NCOA2: variants seen among roughly 807,000 people sequenced by gnomAD.
NCOA2 encodes the protein class E basic helix-loop-helix protein 75.
A neutral mutation model predicts 145.1 loss-of-function variants in NCOA2; 21 were observed. That is an observed-to-expected ratio of 0.14 (90% confidence interval 0.10 to 0.21). The LOEUF (loss-of-function observed/expected upper bound fraction) is 0.21, where lower values mean the gene tolerates loss of function less well. Among genes scored for constraint, NCOA2 ranks in the 10% least tolerant of loss-of-function variants. The probability of loss-of-function intolerance (pLI) is 1.00; values close to 1 mark genes in which losing one functional copy is unlikely to be tolerated. For synonymous variants in NCOA2, 619 were observed against 637.5 expected (o/e 0.97, Z 0.44); for missense variants, 1,472 against 1,837.6 (o/e 0.80, Z 3.64).
chr8:70,231,436 TG>T (rs1242679325), intron 2 of NCOA2, among the ~76,000 whole-genome samples: 10 of 152,232 alleles, frequency 6.6e-5, no homozygotes, highest in African/African-American at 2.4e-4. Flanking sequence ...AAGCAAAATG[TG>T]GGTTCCACTG....
chr8:70,322,119 A>AG (rs1223871400), intron 1 of NCOA2, among the ~76,000 whole-genome samples: 4 of 151,824 alleles, frequency 2.6e-5, no homozygotes, highest in South Asian at 4.2e-4. Context: ...CTGTCTCCAG[A>AG]GGGGGAAAAA....
intron 1 of NCOA2, among the ~76,000 whole-genome samples, chr8:70,350,663 T>C (rs368520304): frequency 2.0e-5 from 3 of 152,326 alleles, no homozygotes; most frequent in South Asian, 4.1e-4. Flanking sequence ...ATAAATTATT[T>C]TCACTGTTTC....
chr8:70,412,460 A>G, the NCOA2 span, among the ~76,000 whole-genome samples: 3 of 148,990 alleles, frequency 2.0e-5, no homozygotes, highest in Non-Finnish European at 3.0e-5. Flanking sequence ...CATTTTGTCT[A>G]AAGATCTCCT....
intron 15 of NCOA2, 90 bp from the exon 16 acceptor site, chr8:70,132,092 G>A: frequency 7.5e-7 from 1 of 1,339,582 alleles, no homozygotes. Flanking sequence ...AGTATCAATT[G>A]ACTTCCAGGG....
rs781169891 is a variant in NCOA2 at position 70,217,473 on chromosome 8, C to T, written c.-19-709G>A. ...GGTCACTTCCTCTCTCACATCCTGC[C>T]GCCTCCAAACTTTCCTTCCCTCAGC... On this transcript the variant is annotated intron_variant, in intron 2 of 22. Coordinates refer to ENST00000452400, the MANE Select transcript of NCOA2 (RefSeq NM_006540.4). 5.3e-5 allele frequency among the ~76,000 whole-genome samples: 8 copies of T among 152,236 alleles called. No homozygotes were observed. The South Asian group carries it at 6.2e-4, about 12-fold the overall frequency.
chr8:70,449,057 C>CA, the NCOA2 span, among the ~76,000 whole-genome samples: 1 of 152,170 alleles, frequency 6.6e-6, no homozygotes, highest in Admixed American at 6.5e-5. Flanking sequence ...CCTCCCACCT[C>CA]AGTCTCCCAA....
rs117589632 is a variant in NCOA2, at chr8:70,388,351, T to C, written c.-77+15349A>G. 6.4e-3 allele frequency among the ~76,000 whole-genome samples: 968 copies of C among 152,338 alleles called. 7 individuals carry two copies. The highest frequency in any genetic ancestry group is 0.027 in the Middle Eastern group (8 of 294). ...TATAATATTTTCTGTCTTCATCCTATGCATAGGCCTCTTTAGGATTCCTTT... is the reference window on the plus strand; with the variant it reads ...TATAATATTTTCTGTCTTCATCCTACGCATAGGCCTCTTTAGGATTCCTTT... On this transcript the variant is annotated intron_variant, in intron 1 of 22. Coordinates refer to ENST00000452400, the MANE Select transcript of NCOA2 (RefSeq NM_006540.4).
intron 13 of NCOA2, among the ~76,000 whole-genome samples, chr8:70,143,318 G>C (rs1176141179): frequency 6.6e-6 from 1 of 152,018 alleles, no homozygotes; most frequent in East Asian, 1.9e-4. Context: ...GTGCTCTCTT[G>C]GCTGCTCGGA....
rs537654459 is a variant in NCOA2, at chr8:70,269,037, AG to A, written c.-20+27706del. Among the ~76,000 whole-genome samples the A allele has an allele frequency of 9.2e-5, 14 of 152,240 alleles. No homozygotes were observed. The East Asian group carries it at 2.7e-3, about 29-fold the overall frequency. On this transcript the variant is annotated intron_variant, in intron 2 of 22. Transcript: ENST00000452400. Reference sequence around the variant, plus strand: ...AAGCGTGGAAAGTAAGGAAAAGTGAAGGGGGGGAGGACATGCATATTTCCAC... The same window carrying A: ...AAGCGTGGAAAGTAAGGAAAAGTGAAGGGGGGAGGACATGCATATTTCCAC...
At chr8:70,376,278 G>C (rs911280277) in intron 1 of NCOA2, among the ~76,000 whole-genome samples, 54 of 152,176 alleles carry the variant, frequency 3.5e-4, no homozygotes, top group African/African-American at 1.2e-3. Context: ...AGTCTCCTTC[G>C]GGGAGAGTAA....
At chr8:70,343,017 A>G (rs2136506859) in intron 1 of NCOA2, among the ~76,000 whole-genome samples, 1 of 152,312 alleles carries the variant, frequency 6.6e-6, no homozygotes, top group Non-Finnish European at 1.5e-5. Context: ...CTATTTCACT[A>G]CAGGCACTAA....
At chr8:70,305,785 A>G (rs1449602625) in intron 1 of NCOA2, among the ~76,000 whole-genome samples, 1 of 152,232 alleles carries the variant, frequency 6.6e-6, no homozygotes, top group Non-Finnish European at 1.5e-5. Flanking sequence ...GCGATTAAGT[A>G]TGTCAATATT....
chr8:70,124,468 A>G (rs1255415321), intron 20 of NCOA2, among the ~76,000 whole-genome samples: 3 of 152,088 alleles, frequency 2.0e-5, no homozygotes, highest in Non-Finnish European at 4.4e-5. Context: ...ACAAAAGCTT[A>G]GCAAGGAACA....
At chr8:70,195,496 A>G (rs1231546852) in intron 4 of NCOA2, among the ~76,000 whole-genome samples, 25 of 152,160 alleles carry the variant, frequency 1.6e-4, no homozygotes, top group Admixed American at 1.6e-3. Flanking sequence ...CATACAAGTA[A>G]GGGGTCCTGA....
chr8:70,263,397 C>CTTTACCCTTG (rs1824301301), intron 2 of NCOA2, among the ~76,000 whole-genome samples: 3 of 151,878 alleles, frequency 2.0e-5, no homozygotes, highest in Non-Finnish European at 4.4e-5. Flanking sequence ...CCGCAGATAA[C>CTTTACCCTTG]TGAAACCACG....
At chr8:70,216,547 G>C (rs1197518661) in intron 3 of NCOA2, 113 bp downstream of exon 3, 3 of 876,666 alleles carry the variant, frequency 3.4e-6, no homozygotes, top group Non-Finnish European at 5.7e-6. Context: ...CTGTTAAGGA[G>C]AAAAACCAAC....
chr8:70,253,690 G>A (rs1269157120), intron 2 of NCOA2, among the ~76,000 whole-genome samples: 1 of 152,082 alleles, frequency 6.6e-6, no homozygotes, highest in Non-Finnish European at 1.5e-5. Flanking sequence ...TGGGAAAATT[G>A]GATATCCTCA....
the NCOA2 span, among the ~76,000 whole-genome samples, chr8:70,442,148 A>AAAGAAAGG: frequency 7.2e-6 from 1 of 138,350 alleles, no homozygotes; most frequent in Non-Finnish European, 1.5e-5. Context: ...AGAAAGAAAG[A>AAAGAAAGG]AAGAAAGAAA....
intron 4 of NCOA2, among the ~76,000 whole-genome samples, chr8:70,195,089 C>T (rs982077944): frequency 6.6e-6 from 1 of 152,126 alleles, no homozygotes; most frequent in Admixed American, 6.6e-5. Context: ...TGTTGCAAGG[C>T]TGAAATGAGA....
Sources: gnomAD v4.1 joint callset for allele counts (sites outside exome capture counted in the v4.1 genomes callset) on GRCh38, gnomAD v4.1.1 for gene constraint, MANE v1.5 for transcripts, NCBI Gene and HGNC (gene_info 2026-07-23, HGNC 2026-07-21) for gene names.